Variants in CBLB observed in about 807,000 individuals in gnomAD.
CBLB encodes the protein Cbl proto-oncogene B, also known as E3 ubiquitin-protein ligase CBL-B.
In CBLB, 31 loss-of-function variants were observed where a neutral mutation model predicts 104.9. The observed-to-expected ratio is 0.30, with a 90% CI of 0.22 to 0.40. CBLB has a LOEUF of 0.40. Among genes scored for constraint, CBLB ranks in the 10% least tolerant of loss-of-function variants. The pLI is 1.00. For synonymous variants in CBLB, 440 were observed against 422.6 expected (o/e 1.04, Z -0.51); for missense variants, 1,062 against 1,214.6 (o/e 0.87, Z 1.87).
At chr3:105,832,036 AT>A (rs2087614529) in intron 3 of CBLB, among the ~76,000 whole-genome samples, 1 of 152,166 alleles carries the variant, frequency 6.6e-6, no homozygotes, top group African/African-American at 2.4e-5. Context: ...TTAAAAAAAA[AT>A]TTAATTATAT....
intron 9 of CBLB, among the ~76,000 whole-genome samples, chr3:105,722,508 T>C (rs2073027805): frequency 6.6e-6 from 1 of 152,190 alleles, no homozygotes; most frequent in Admixed American, 6.5e-5. Flanking sequence ...ACACATCATA[T>C]AAATTCACTG....
At chr3:105,869,294 GA>G, upstream of CBLB, 1 of 1,049,528 alleles carries the variant, frequency 9.5e-7, no homozygotes, top group African/African-American at 1.6e-5. Context: ...GTGGAAACGG[GA>G]AAGGAAATGG....
At chr3:105,807,141 CTT>C (rs904406276) in intron 3 of CBLB, among the ~76,000 whole-genome samples, 7 of 152,172 alleles carry the variant, frequency 4.6e-5, no homozygotes, top group Non-Finnish European at 5.9e-5. Flanking sequence ...TGAAAGGAAA[CTT>C]TAACTTTTCA....
In CBLB at chr3:105,657,696, C is replaced by A. The variant is rs900239185; in HGVS notation, c.*1274G>T. On this transcript the variant is annotated 3_prime_UTR_variant, in exon 19 of 19. Transcript: ENST00000394030. Reference sequence around the variant, plus strand: ...AACATGGTGTTTAAAGAACCAACCACCATTTTGTAAAATAGGCAAAACTAC... The same window carrying A: ...AACATGGTGTTTAAAGAACCAACCAACATTTTGTAAAATAGGCAAAACTAC... 4.4e-5 allele frequency: 9 copies of A among 204,890 alleles called. No individual in the cohort carries two copies. The highest frequency in any genetic ancestry group is 9.0e-5 in the Non-Finnish European group (9 of 100,292). The allele number at this position is 204,890 out of a possible 1,614,324, so 12.7% of individuals were successfully genotyped here. A position where few individuals can be genotyped will look rare whatever the true frequency, so the allele number is the denominator to read the frequency against.
intron 4 of CBLB, among the ~76,000 whole-genome samples, chr3:105,766,751 G>C (rs778108443): frequency 6.6e-6 from 1 of 152,112 alleles, no homozygotes; most frequent in Non-Finnish European, 1.5e-5. Flanking sequence ...AATAATCTAA[G>C]TGACTTGCTT....
At chr3:105,719,814 A>G (rs2072499364) in intron 10 of CBLB, among the ~76,000 whole-genome samples, 2 of 152,200 alleles carry the variant, frequency 1.3e-5, no homozygotes, top group African/African-American at 4.8e-5. Flanking sequence ...TTGTTATCAT[A>G]GGAGATGACA....
At chr3:105,732,291 T>C (rs905881308) in intron 9 of CBLB, among the ~76,000 whole-genome samples, 2 of 152,210 alleles carry the variant, frequency 1.3e-5, no homozygotes, top group Non-Finnish European at 2.9e-5. Context: ...ATTTATTGAA[T>C]GTAGTTTAAA....
At chr3:105,684,189 G>C (rs2066700036) in intron 14 of CBLB, among the ~76,000 whole-genome samples, 1 of 152,194 alleles carries the variant, frequency 6.6e-6, no homozygotes, top group Non-Finnish European at 1.5e-5. Flanking sequence ...AGAGATGCTG[G>C]AATGTAGGGC....
At chr3:105,753,724 A>T (rs982598356) in intron 4 of CBLB, among the ~76,000 whole-genome samples, 5 of 152,070 alleles carry the variant, frequency 3.3e-5, no homozygotes, top group African/African-American at 7.2e-5. Flanking sequence ...AAGTTTTTTT[A>T]AAAAGGCCAA....
intron 4 of CBLB, among the ~76,000 whole-genome samples, chr3:105,768,861 G>C (rs2078522096): frequency 6.6e-6 from 1 of 152,170 alleles, no homozygotes; most frequent in African/African-American, 2.4e-5. Context: ...TCAAAATTCT[G>C]AGACAGATGA....
At chr3:105,678,683 C>T (rs765957245) in intron 16 of CBLB, 112 bp from the exon 17 acceptor site, 299 of 1,235,750 alleles carry the variant, frequency 2.4e-4, no homozygotes, top group Non-Finnish European at 3.1e-4. Context: ...GAATTTCACT[C>T]GCAGGGTTTA....
intron 3 of CBLB, among the ~76,000 whole-genome samples, chr3:105,846,742 C>T (rs2090306051): frequency 1.3e-5 from 2 of 152,046 alleles, no homozygotes; most frequent in Admixed American, 1.3e-4. Context: ...ATTTTCTTCT[C>T]ACAATATACA....
At chr3:105,817,037 G>A (rs1286937564) in intron 3 of CBLB, among the ~76,000 whole-genome samples, 2 of 152,184 alleles carry the variant, frequency 1.3e-5, no homozygotes, top group African/African-American at 4.8e-5. Context: ...TTCCAGATGA[G>A]TGGGAGAATT....
rs558013661 is a variant in CBLB at position 105,782,707 on chromosome 3, C to T, written c.420-6165G>A. On this transcript the variant is annotated intron_variant, in intron 3 of 18. Coordinates refer to ENST00000394030, the MANE Select transcript of CBLB (RefSeq NM_170662.5). ...GTTCAAGCGATTCTCGTGTCTCAGC[C>T]TCCAGAGGGTGTATGCCACCACACC... Among the ~76,000 whole-genome samples the T allele has an allele frequency of 3.3e-5, 5 of 151,936 alleles. No homozygotes were observed. The South Asian group carries it at 8.3e-4, about 25-fold the overall frequency.
intron 4 of CBLB, among the ~76,000 whole-genome samples, chr3:105,769,985 G>A (rs1457538365): frequency 6.6e-6 from 1 of 152,002 alleles, no homozygotes; most frequent in African/African-American, 2.4e-5. Flanking sequence ...GGAGAGGAGA[G>A]GCTATGTAAG....
At chr3:105,662,346 T>C (rs1009835175) in intron 18 of CBLB, among the ~76,000 whole-genome samples, 13 of 152,332 alleles carry the variant, frequency 8.5e-5, no homozygotes, top group African/African-American at 2.9e-4. Context: ...GATTATTATA[T>C]TGCAGTTTGG....
chr3:105,680,333 C>G (rs2066162223), intron 16 of CBLB, among the ~76,000 whole-genome samples: 1 of 150,706 alleles, frequency 6.6e-6, no homozygotes, highest in Non-Finnish European at 1.5e-5. Context: ...AATCTGTCTA[C>G]TTTGTCATAT....
chr3:105,814,809 T>C (rs1235397412), intron 3 of CBLB, among the ~76,000 whole-genome samples: 2 of 152,074 alleles, frequency 1.3e-5, no homozygotes, highest in Non-Finnish European at 2.9e-5. Context: ...TCTTCAATTA[T>C]CCCTCATGTC....
At chr3:105,660,982 T>TA (rs1328194723) in intron 18 of CBLB, among the ~76,000 whole-genome samples, 4 of 136,214 alleles carry the variant, frequency 2.9e-5, no homozygotes, top group Non-Finnish European at 4.8e-5. Context: ...TTTTTTTTTT[T>TA]AAATGAGATG....
Sources: allele counts gnomAD v4.1 joint callset (sites outside exome capture counted in the v4.1 genomes callset), GRCh38; gene constraint gnomAD v4.1.1; transcripts MANE v1.5; gene names NCBI Gene and HGNC (gene_info 2026-07-23, HGNC 2026-07-21).